MACROD2: variants seen among roughly 807,000 people sequenced by gnomAD.
MACROD2 encodes the protein mono-ADP ribosylhydrolase 2, also known as ADP-ribose glycohydrolase MACROD2.
In MACROD2, 36 loss-of-function variants were observed where a neutral mutation model predicts 70.4. The ratio of observed to expected loss-of-function variants is 0.51; its 90% CI spans 0.39 to 0.68. MACROD2 has a LOEUF of 0.68. MACROD2 is among the 30% of genes least tolerant of loss of function. The pLI, the probability that MACROD2 is intolerant of heterozygous loss-of-function variation, is 0.00. For missense variants in MACROD2, 496 were observed against 538.4 expected, an observed-to-expected ratio of 0.92 and a Z score of 0.78; for synonymous variants, 172 against 178.8, an observed-to-expected ratio of 0.96 and a Z score of 0.30.
In MACROD2 at chr20:14,482,952, G is replaced by A. The variant is rs771756968; in HGVS notation, c.272-10527G>A. On this transcript the variant is annotated intron_variant, in intron 3 of 17. Coordinates refer to ENST00000684519, the MANE Select transcript of MACROD2 (RefSeq NM_001351661.2). ...CTCGAACATGTTACTTAACCTCTCCGTGTTCCAATTTTTTAACATATAAAG... is the reference window on the plus strand; with the variant it reads ...CTCGAACATGTTACTTAACCTCTCCATGTTCCAATTTTTTAACATATAAAG... 5.3e-5 allele frequency among the ~76,000 whole-genome samples: 8 copies of A among 152,182 alleles called. No homozygotes were observed. In the East Asian group the frequency reaches 5.8e-4, roughly 11 times the overall value.
Position 15,432,140 on chromosome 20 carries a change from C to T in MACROD2, c.571+705C>T, listed in dbSNP as rs184074342. On this transcript the variant is annotated intron_variant, in intron 7 of 17. Coordinates refer to ENST00000684519, the MANE Select transcript of MACROD2 (RefSeq NM_001351661.2). ...TGATCTAAGTGAAATAGATTACATT[C>T]TTTCTGAACTTAAACTTCTCACATG... 3.3e-3 allele frequency among the ~76,000 whole-genome samples: 498 copies of T among 152,078 alleles called. 2 individuals are homozygous for T. The highest frequency in any genetic ancestry group is 0.011 in the African/African-American group (470 of 41,526).
chr20:14,464,966 G>A (rs143254337), intron 3 of MACROD2, among the ~76,000 whole-genome samples: 9,598 of 152,056 alleles, frequency 0.063, 398 homozygotes, highest in Middle Eastern at 0.11. Flanking sequence ...TATGTGGTCA[G>A]TTTTGGAATA....
chr20:15,467,672 T>C (rs1483452909), intron 7 of MACROD2, among the ~76,000 whole-genome samples: 1 of 152,228 alleles, frequency 6.6e-6, no homozygotes, highest in Non-Finnish European at 1.5e-5. Flanking sequence ...GGTTAATGAA[T>C]TTTGCAGCAG....
At chr20:15,560,321 T>C (rs2048224771) in intron 8 of MACROD2, among the ~76,000 whole-genome samples, 2 of 152,136 alleles carry the variant, frequency 1.3e-5, no homozygotes, top group South Asian at 4.1e-4. Context: ...ATTTGTAAAA[T>C]AAGAAGAATA....
chr20:14,215,337 TACACACAC>T (rs199684417), intron 3 of MACROD2, among the ~76,000 whole-genome samples: 1,566 of 131,086 alleles, frequency 0.012, 18 homozygotes, highest in African/African-American at 0.03. Context: ...CCATCATATA[TACACACAC>T]ACACACACAC....
intron 5 of MACROD2, among the ~76,000 whole-genome samples, chr20:14,954,564 T>G (rs866080114): frequency 4.4e-5 from 6 of 137,810 alleles, no homozygotes; most frequent in African/African-American, 1.6e-4. Context: ...AAATTATAAA[T>G]ATATAAATGT....
chr20:15,986,940 T>A (rs2066492769), intron 14 of MACROD2, 126 bp from the exon 15 acceptor site: 1 of 1,041,738 alleles, frequency 9.6e-7, no homozygotes, highest in Admixed American at 2.1e-5. Context: ...AGTGTTCAAC[T>A]TGGTGTACCT....
At chr20:14,320,400 T>G (rs2122545386) in intron 3 of MACROD2, among the ~76,000 whole-genome samples, 1 of 152,320 alleles carries the variant, frequency 6.6e-6, no homozygotes, top group South Asian at 2.1e-4. Flanking sequence ...GTTTCTCCCA[T>G]TCATCTTTAA....
chr20:15,163,215 GT>G (rs1460098798), intron 5 of MACROD2, among the ~76,000 whole-genome samples: 1 of 151,736 alleles, frequency 6.6e-6, no homozygotes, highest in East Asian at 1.9e-4. Context: ...AAGACATATA[GT>G]TTAGCTACCT....
chr20:14,814,477 A>G (rs2072750858), intron 5 of MACROD2, among the ~76,000 whole-genome samples: 1 of 152,070 alleles, frequency 6.6e-6, no homozygotes, highest in Admixed American at 6.6e-5. Context: ...AAGACATTCT[A>G]CTGGTCTGTG....
intron 5 of MACROD2, among the ~76,000 whole-genome samples, chr20:15,047,167 T>C (rs1014832309): frequency 6.6e-6 from 1 of 152,228 alleles, no homozygotes; most frequent in African/African-American, 2.4e-5. Flanking sequence ...AATTTGCTAC[T>C]GAATTGACAT....
intron 4 of MACROD2, among the ~76,000 whole-genome samples, chr20:14,583,311 G>A (rs1981163774): frequency 6.6e-6 from 1 of 152,074 alleles, no homozygotes; most frequent in South Asian, 2.1e-4. Flanking sequence ...ATGCCTCAAA[G>A]ACCACCATCA....
intron 5 of MACROD2, among the ~76,000 whole-genome samples, chr20:14,808,568 A>G (rs998253328): frequency 2.0e-5 from 3 of 152,134 alleles, no homozygotes; most frequent in African/African-American, 7.2e-5. Context: ...TGACAGGATC[A>G]AATTCACACA....
intron 5 of MACROD2, among the ~76,000 whole-genome samples, chr20:15,164,585 G>A (rs527862688): frequency 1.3e-5 from 2 of 152,134 alleles, no homozygotes; most frequent in South Asian, 4.1e-4. Flanking sequence ...GAATATTAAT[G>A]AGGTGTAAGG....
At chr20:15,061,553 C>T (rs2075533106) in intron 5 of MACROD2, among the ~76,000 whole-genome samples, 1 of 152,134 alleles carries the variant, frequency 6.6e-6, no homozygotes. Flanking sequence ...CTGGGATCTG[C>T]CTCCTAATAA....
intron 2 of MACROD2, among the ~76,000 whole-genome samples, chr20:14,019,748 G>C (rs557505380): frequency 5.3e-5 from 8 of 152,226 alleles, no homozygotes; most frequent in African/African-American, 1.7e-4. Context: ...TGTGAGAAAT[G>C]CAAAAGTCTG....
At chr20:15,931,524 A>G (rs900392289) in intron 10 of MACROD2, among the ~76,000 whole-genome samples, 1 of 151,766 alleles carries the variant, frequency 6.6e-6, no homozygotes, top group Non-Finnish European at 1.5e-5. Context: ...TGCCTTGTAG[A>G]CCCTGCTACT....
chr20:14,770,594 A>C (rs529755282), intron 5 of MACROD2, among the ~76,000 whole-genome samples: 2 of 152,176 alleles, frequency 1.3e-5, no homozygotes, highest in Non-Finnish European at 2.9e-5. Context: ...CACTTCTAGA[A>C]TATTTTATGA....
At chr20:15,627,227 C>A (rs1301830666) in intron 8 of MACROD2, among the ~76,000 whole-genome samples, 6 of 77,560 alleles carry the variant, frequency 7.7e-5, no homozygotes, top group African/African-American at 4.0e-4. Context: ...GAAAAGATTA[C>A]CAAAAAAAAA....
Sources: gnomAD v4.1 joint callset for allele counts (sites outside exome capture counted in the v4.1 genomes callset) on GRCh38, gnomAD v4.1.1 for gene constraint, MANE v1.5 for transcripts, NCBI Gene and HGNC (gene_info 2026-07-23, HGNC 2026-07-21) for gene names.